The following AKAP13 variants were observed in gnomAD, a reference collection of about 807,000 sequenced individuals.
The protein encoded by AKAP13 is A-kinase anchoring protein 13, also known as A-kinase anchor protein 13.
Under a neutral mutation model 264.5 loss-of-function variants are expected in AKAP13, and 80 were observed. That is an observed-to-expected ratio of 0.30 (90% CI 0.25 to 0.36). The LOEUF is 0.36. AKAP13 is among the 10% of genes least tolerant of loss of function. The pLI is 1.00. For missense variants in AKAP13, 3,712 were observed against 3,435.2 expected, an observed-to-expected ratio of 1.08 and a Z score of -2.01; for synonymous variants, 1,380 against 1,250.2, an observed-to-expected ratio of 1.10 and a Z score of -2.19.
intron 35 of AKAP13, among the ~76,000 whole-genome samples, chr15:85,743,031 A>C (rs1286229320): frequency 6.6e-6 from 1 of 152,162 alleles, no homozygotes; most frequent in Non-Finnish European, 1.5e-5. Flanking sequence ...TCTCTGGTTT[A>C]ACCTGTGACT....
At chr15:85,636,602 T>C (rs149167750) in intron 8 of AKAP13, among the ~76,000 whole-genome samples, 138 of 142,412 alleles carry the variant, frequency 9.7e-4, no homozygotes, top group African/African-American at 2.9e-3. Flanking sequence ...TGAATAGATG[T>C]TGAATTTTGC....
At chr15:85,703,673 C>A (rs1030983970) in intron 17 of AKAP13, among the ~76,000 whole-genome samples, 17 of 152,076 alleles carry the variant, frequency 1.1e-4, no homozygotes, top group African/African-American at 3.9e-4. Context: ...GAAATACCAT[C>A]TCCACTAAAA....
At chr15:85,502,848 G>C (rs991714923) in intron 2 of AKAP13, among the ~76,000 whole-genome samples, 1 of 152,052 alleles carries the variant, frequency 6.6e-6, no homozygotes, top group Non-Finnish European at 1.5e-5. Context: ...AGTTTCTTTC[G>C]TAAGACTTAT....
intron 5 of AKAP13, among the ~76,000 whole-genome samples, chr15:85,573,507 C>CG (rs1157901564): frequency 6.6e-6 from 1 of 150,820 alleles, no homozygotes; most frequent in Non-Finnish European, 1.5e-5. Flanking sequence ...ATCGCACCAC[C>CG]GCACTCCAGC....
At chr15:85,630,787 A>G (rs1283492226) in intron 8 of AKAP13, among the ~76,000 whole-genome samples, 2 of 152,240 alleles carry the variant, frequency 1.3e-5, no homozygotes, top group Non-Finnish European at 2.9e-5. Context: ...AAGAAAGATA[A>G]CAAAAATAGG....
At chr15:85,639,495 C>T (rs1192684614) in intron 9 of AKAP13, 46 bp downstream of exon 9, 2 of 1,387,120 alleles carry the variant, frequency 1.4e-6, no homozygotes, top group South Asian at 2.3e-5. Context: ...CAGCCCCACT[C>T]TGGCAGATCG....
At chr15:85,711,039 G>A (rs903274989) in intron 19 of AKAP13, among the ~76,000 whole-genome samples, 3 of 151,118 alleles carry the variant, frequency 2.0e-5, no homozygotes, top group African/African-American at 7.3e-5. Flanking sequence ...TTTTTGAGAC[G>A]GAGTCTCTCT....
chr15:85,715,082 T>C (rs1274647119), intron 19 of AKAP13, among the ~76,000 whole-genome samples: 1 of 152,230 alleles, frequency 6.6e-6, no homozygotes, highest in Non-Finnish European at 1.5e-5. Context: ...ACCACTCTTC[T>C]TAGTTTTTTT....
chr15:85,639,889 A>G (rs2082230154), intron 9 of AKAP13, among the ~76,000 whole-genome samples: 1 of 152,168 alleles, frequency 6.6e-6, no homozygotes. Context: ...TAGATATCAA[A>G]ATCTTTATAA....
chr15:85,380,790 A>C lies in AKAP13; in HGVS notation c.-20A>C, dbSNP rs2083377443. On this transcript the variant is annotated 5_prime_UTR_variant, in exon 1 of 37. Transcript: ENST00000394518. ...GCTCGGCCCGCGGGGGAGCCCCGGG[A>C]GCCGCACGGTGAGAGCGCAACTTAG... is the stretch of plus-strand genomic sequence containing the variant. 6.6e-6 allele frequency: 1 copy of C among 152,520 alleles called. No individual in the cohort carries two copies. Among genetic ancestry groups the C allele is most frequent in the African/African-American group, 2.4e-5 (1 of 41,414 alleles). 9.4% of individuals were successfully genotyped at this position (152,520 alleles called of 1,614,324 possible).
chr15:85,416,512 C>G (rs2072251162), intron 1 of AKAP13, among the ~76,000 whole-genome samples: 1 of 152,122 alleles, frequency 6.6e-6, no homozygotes, highest in Non-Finnish European at 1.5e-5. Flanking sequence ...TGACTGGTAG[C>G]TACGATAATT....
At chr15:85,461,081 T>C (rs1596253991) in intron 1 of AKAP13, among the ~76,000 whole-genome samples, 2 of 152,022 alleles carry the variant, frequency 1.3e-5, no homozygotes, top group South Asian at 4.1e-4. Flanking sequence ...TCACTAGATA[T>C]TAAGCTCTTT....
intron 30 of AKAP13, 75 bp downstream of exon 30, chr15:85,730,782 T>G: frequency 7.7e-7 from 1 of 1,306,790 alleles, no homozygotes; most frequent in South Asian, 1.5e-5. Flanking sequence ...CCTGCCAGTT[T>G]TTACTTTTTT....
In AKAP13 at chr15:85,741,100, G is replaced by C. The variant is rs181607215; in HGVS notation, c.7663G>C (p.Glu2555Gln). The C allele has an allele frequency of 6.2e-7, 1 of 1,613,594 alleles. No homozygotes were observed. The highest frequency in any genetic ancestry group is 1.7e-5 in the Admixed American group (1 of 60,006). The part of the protein sequence containing the change: ...YIEDQKLVLS[E>Q]RALTRSLSRP... ...TGAGGACCAGAAACTGGTGCTGAGC[G>C]AGAGGGCGCTCACTCGCAGCTTGTC... is the stretch of plus-strand genomic sequence containing the variant. The change falls in exon 35 of 37, where the codon GAG (glutamate) becomes CAG (glutamine). Residue 2555 changes from glutamate to glutamine, a missense_variant. Physicochemically the swap from Glu to Gln is conservative, Grantham distance 29. Around this residue, in one of 3 missense-constraint regions of AKAP13, gnomAD observed 611 missense variants for 539.3 expected, o/e 1.13. Transcript: ENST00000394518.
intron 8 of AKAP13, among the ~76,000 whole-genome samples, chr15:85,588,457 T>C (rs1347742046): frequency 6.6e-6 from 1 of 152,214 alleles, no homozygotes; most frequent in Non-Finnish European, 1.5e-5. Context: ...ATCCTTGAAT[T>C]CAAATACCTC....
chr15:85,720,252 A>G (rs1409151129), intron 23 of AKAP13, among the ~76,000 whole-genome samples: 2 of 98,772 alleles, frequency 2.0e-5, no homozygotes, highest in Non-Finnish European at 3.9e-5. Context: ...AACATTTAAA[A>G]ACAAACTCTG....
intron 1 of AKAP13, among the ~76,000 whole-genome samples, chr15:85,469,040 C>T (rs141615723): frequency 0.018 from 2,440 of 137,322 alleles, 613 homozygotes; most frequent in African/African-American, 0.069. Flanking sequence ...TCGGCCTCCC[C>T]AGTAGCTTGG....
chr15:85,735,812 C>T (rs774555752), intron 32 of AKAP13, among the ~76,000 whole-genome samples, 182 bp downstream of exon 32: 2 of 152,200 alleles, frequency 1.3e-5, no homozygotes, highest in Non-Finnish European at 2.9e-5. Context: ...ACATTATTGG[C>T]TGTTTGGCCT....
intron 17 of AKAP13, among the ~76,000 whole-genome samples, chr15:85,693,896 A>G (rs530372525): frequency 6.6e-6 from 1 of 152,368 alleles, no homozygotes; most frequent in African/African-American, 2.4e-5. Context: ...TGTTTAAGAT[A>G]GGCCAGGCTA....
Sources: gnomAD v4.1 joint callset for allele counts (sites outside exome capture counted in the v4.1 genomes callset) on GRCh38, gnomAD v4.1.1 for gene constraint, gnomAD v4.1.1 regional missense constraint, MANE v1.5 for transcripts, NCBI Gene and HGNC (gene_info 2026-07-23, HGNC 2026-07-21) for gene names.